STX12: variants seen among roughly 807,000 people sequenced by gnomAD.
STX12 encodes syntaxin-12.
In STX12, 17 loss-of-function variants were observed where a neutral mutation model predicts 42.2. The ratio of observed to expected loss-of-function variants is 0.40; its 90% CI spans 0.28 to 0.60. STX12 has a LOEUF of 0.60. Among genes scored for constraint, STX12 ranks in the 20% least tolerant of loss-of-function variants. STX12 has a pLI of 0.39. For synonymous variants in STX12, 108 were observed against 116.7 expected, an observed-to-expected ratio of 0.93 and a Z score of 0.48; for missense variants, 297 against 330.9, an observed-to-expected ratio of 0.90 and a Z score of 0.79.
Position 27,773,416 on chromosome 1 carries a change from A to G in STX12, c.109A>G (p.Ser37Gly). The G allele has an allele frequency of 1.9e-6, 3 of 1,613,196 alleles. No individual in the cohort carries two copies. Among genetic ancestry groups the G allele is most frequent in the Non-Finnish European group, 2.5e-6 (3 of 1,179,670 alleles). Residue 37 changes from serine (S) to glycine (G), a missense_variant, in exon 1 of 9, where the codon AGC becomes GGC. By Grantham distance (56) the Ser-to-Gly change is moderately conservative (BLOSUM62 0). Coordinates refer to ENST00000373943, the MANE Select transcript of STX12 (RefSeq NM_177424.3). ...GTGCAGCGGCAACATCCAGCGGATC[A>G]GCCAAGCCAGTGAGCCGGGGTACCG... ...QTCSGNIQRI[S>G]QATAQIKNLM...
At chr1:27,797,373 G>C (rs1467315446) in intron 3 of STX12, among the ~76,000 whole-genome samples, 1 of 151,848 alleles carries the variant, frequency 6.6e-6, no homozygotes, top group African/African-American at 2.4e-5. Flanking sequence ...CTTTTTTTCT[G>C]TTTCCTTTGA....
chr1:27,802,795 C>T (rs1273627592), intron 4 of STX12, among the ~76,000 whole-genome samples: 1 of 152,082 alleles, frequency 6.6e-6, no homozygotes. Context: ...TTAGTAGAAA[C>T]AACAATGAAG....
chr1:27,820,799 A>T (rs2088978580), intron 8 of STX12, among the ~76,000 whole-genome samples: 1 of 152,144 alleles, frequency 6.6e-6, no homozygotes, highest in Admixed American at 6.6e-5. Flanking sequence ...GATAGACTGG[A>T]TTAAGAAAAT....
rs1480816723 is a variant in STX12, at chr1:27,786,729, T to C, written c.119-2833T>C. Among the ~76,000 whole-genome samples the C allele has an allele frequency of 2.6e-5, 4 of 152,244 alleles. No individual in the cohort carries two copies. In the East Asian group the frequency reaches 7.7e-4, roughly 29 times the overall value. On this transcript the variant is annotated intron_variant, in intron 1 of 8. Transcript: ENST00000373943. ...CTCATATGCAACAATGGAATAATAATACTTACTTAAAGGATTGTTGGAGTC... is the reference window on the plus strand; with the variant it reads ...CTCATATGCAACAATGGAATAATAACACTTACTTAAAGGATTGTTGGAGTC...
chr1:27,805,667 C>G (rs527450683), intron 4 of STX12, among the ~76,000 whole-genome samples: 1 of 152,272 alleles, frequency 6.6e-6, no homozygotes, highest in South Asian at 2.1e-4. Context: ...GAAGAACTCC[C>G]TTTAGCACTT....
chr1:27,790,983 G>T (rs544592290), intron 2 of STX12, among the ~76,000 whole-genome samples: 15 of 151,474 alleles, frequency 9.9e-5, no homozygotes, highest in African/African-American at 3.4e-4. Context: ...TATATGGGCC[G>T]GGTGTGGTGG....
chr1:27,807,208 T>C (rs1439058796), intron 4 of STX12, among the ~76,000 whole-genome samples: 2 of 152,198 alleles, frequency 1.3e-5, no homozygotes, highest in African/African-American at 4.8e-5. Context: ...TTACAGACAA[T>C]TCAATTATAC....
At position 27,773,341 on chromosome 1, in the gene STX12, CCGGGGCCCT is replaced by C. The variant is rs2088608305; in HGVS notation, c.43_51del (p.Ser15_Pro17del). The C allele has an allele frequency of 3.1e-6, 5 of 1,612,274 alleles. No homozygotes were observed. Among genetic ancestry groups the C allele is most frequent in the Middle Eastern group, 1.7e-4 (1 of 6,054 alleles). ...CGGTCCCTTAGACATGTACCGGAAC[CCGGGGCCCT>C]CGGGGCCCCAGCTCCGGGACTTCAG... is the stretch of plus-strand genomic sequence containing the variant. On this transcript the variant is annotated inframe_deletion, in exon 1 of 9. Coordinates refer to ENST00000373943, the MANE Select transcript of STX12 (RefSeq NM_177424.3).
chr1:27,786,781 G>C (rs2088702058), intron 1 of STX12, among the ~76,000 whole-genome samples: 1 of 152,200 alleles, frequency 6.6e-6, no homozygotes, highest in Non-Finnish European at 1.5e-5. Flanking sequence ...GTCAAGCCCA[G>C]TGTCTAGTAC....
intron 2 of STX12, among the ~76,000 whole-genome samples, chr1:27,790,293 C>A (rs1045948713): frequency 6.6e-6 from 1 of 152,124 alleles, no homozygotes. Flanking sequence ...GAGTGAGCAG[C>A]AGCAAGATTT....
At chr1:27,786,506 G>A (rs1408144368) in intron 1 of STX12, among the ~76,000 whole-genome samples, 2 of 152,116 alleles carry the variant, frequency 1.3e-5, no homozygotes, top group Non-Finnish European at 2.9e-5. Flanking sequence ...GCCCACCGCT[G>A]TCACCTCAGC....
In STX12 at chr1:27,792,298, A is replaced by C. The variant is rs184615451; in HGVS notation, c.189-1235A>C. Among the ~76,000 whole-genome samples the C allele has an allele frequency of 8.8e-4, 104 of 118,096 alleles. 10 individuals are homozygous for C. Among genetic ancestry groups the C allele is most frequent in the African/African-American group, 5.0e-3 (92 of 18,292 alleles). 77.5% of individuals were successfully genotyped at this position (118,096 alleles called of 152,430 possible). ...TCTATATATATGTAGATACATATAT[A>C]TGTATCTATATATATGTAGATACAT... is the stretch of plus-strand genomic sequence containing the variant. On this transcript the variant is annotated intron_variant, in intron 2 of 8. Transcript: ENST00000373943.
rs753397973 is a variant in STX12, at chr1:27,773,314, T to C, written c.7T>C (p.Tyr3His). MS[Y>H]GPLDMYRNPG... The stretch of plus-strand genomic sequence containing the variant: ...CAGGTCTCAGCTCCTCGTCATGTCA[T>C]ACGGTCCCTTAGACATGTACCGGAA... The change falls in exon 1 of 9, where the codon TAC becomes CAC. Residue 3 changes from tyrosine (Y) to histidine (H), a missense_variant. Tyr to His is a moderately conservative substitution (Grantham distance 83). Transcript: ENST00000373943. 71 of 1,605,670 alleles carry C rather than the reference T, an allele frequency of 4.4e-5. 3 individuals carry two copies. In the South Asian group the frequency reaches 7.6e-4, roughly 17 times the overall value.
At chr1:27,790,233 T>C (rs11247686) in intron 2 of STX12, among the ~76,000 whole-genome samples, 14,709 of 152,212 alleles carry the variant, frequency 0.097, 2,387 homozygotes, top group African/African-American at 0.33. Context: ...AATGAAGCCG[T>C]GGACCTTCGT....
At chr1:27,797,066 G>A (rs2088791045) in intron 3 of STX12, among the ~76,000 whole-genome samples, 1 of 151,564 alleles carries the variant, frequency 6.6e-6, no homozygotes. Context: ...ACCCAGGCTG[G>A]AGTGCAGTGG....
chr1:27,800,644 C>T (rs904132646), intron 3 of STX12, among the ~76,000 whole-genome samples: 4 of 151,740 alleles, frequency 2.6e-5, no homozygotes, highest in Non-Finnish European at 5.9e-5. Flanking sequence ...TCCTCCTGCC[C>T]CAGCCTCTGA....
At chr1:27,789,695 A>G in intron 2 of STX12, 64 bp downstream of exon 2, 1 of 1,253,136 alleles carries the variant, frequency 8.0e-7, no homozygotes, top group Non-Finnish European at 1.2e-6. Context: ...TGTCCTTGCC[A>G]GACAGCAGCT....
intron 6 of STX12, among the ~76,000 whole-genome samples, chr1:27,815,095 G>A (rs2088931895): frequency 6.6e-6 from 1 of 152,040 alleles, no homozygotes; most frequent in African/African-American, 2.4e-5. Context: ...CATTATATAA[G>A]TAATATAGAG....
Position 27,801,688 on chromosome 1 carries a change from G to A in STX12, c.299G>A (p.Arg100Lys), listed in dbSNP as rs899273202. The A allele has an allele frequency of 7.2e-6, 11 of 1,520,020 alleles. No individual in the cohort carries two copies. The highest frequency in any genetic ancestry group is 9.7e-6 in the Non-Finnish European group (11 of 1,139,852). 94.2% of individuals were successfully genotyped at this position (1,520,020 alleles called of 1,614,324 possible). The change falls in exon 4 of 9, where the codon AGA becomes AAA. Residue 100 changes from arginine to lysine, a missense_variant. Physicochemically the swap from Arg to Lys is conservative, Grantham distance 26 (BLOSUM62 2). Coordinates refer to ENST00000373943, the MANE Select transcript of STX12 (RefSeq NM_177424.3). ...GCTTGATTTCCTTAGCGCCAGCAGA[G>A]ACTTCAGAAGGAACGCCTCATGAAT... is the stretch of plus-strand genomic sequence containing the variant. Reference protein sequence around the residue: ...PLSTSEQRQQRLQKERLMNDF... With the variant: ...PLSTSEQRQQKLQKERLMNDF...
Sources: gnomAD v4.1 joint callset for allele counts (sites outside exome capture counted in the v4.1 genomes callset) on GRCh38, gnomAD v4.1.1 for gene constraint, MANE v1.5 for transcripts, NCBI Gene and HGNC (gene_info 2026-07-23, HGNC 2026-07-21) for gene names.